Variants in CUBN observed in about 807,000 individuals in gnomAD.
CUBN encodes 460 kDa receptor.
CUBN carries 282 observed loss-of-function variants against 405.3 expected under a neutral mutation model. The ratio of observed to expected loss-of-function variants is 0.70; its 90% confidence interval spans 0.63 to 0.77. The LOEUF is 0.77. Ranked by LOEUF, CUBN falls within the 30% of genes least tolerant of loss-of-function variation. CUBN has a pLI of 0.00. For synonymous variants in CUBN, 1,684 were observed against 1,617.0 expected, an observed-to-expected ratio of 1.04 and a Z score of -0.99; for missense variants, 4,514 against 4,475.2, an observed-to-expected ratio of 1.01 and a Z score of -0.25.
rs547936444 is a variant in CUBN, at chr10:16,988,129, G to A, written c.4350+2205C>T. On this transcript the variant is annotated intron_variant, in intron 29 of 66. Transcript: ENST00000377833. ...CCCTGTCTCTACTTTCTCCCGTAAT[G>A]GGTATGACACAACCCGAAACACAAT... 1.2e-4 allele frequency among the ~76,000 whole-genome samples: 18 copies of A among 152,266 alleles called. No individual in the cohort carries two copies. The South Asian group carries it at 3.7e-3, about 32-fold the overall frequency.
At chr10:17,077,978 C>A (rs1018102718) in intron 17 of CUBN, among the ~76,000 whole-genome samples, 1 of 152,044 alleles carries the variant, frequency 6.6e-6, no homozygotes. Flanking sequence ...ATTCTAAAAT[C>A]AAGAACACAT....
Position 17,104,493 on chromosome 10 carries a change from A to G in CUBN, c.1343T>C (p.Val448Ala), listed in dbSNP as rs769502334. ...SNPCLNGGTCVDGVDSFSCEC... is the reference protein window; with the variant it reads ...SNPCLNGGTCADGVDSFSCEC... Reference sequence around the variant, plus strand: ...ACAACTGAAAGAATCAACGCCATCAACACAAGTTCCTCCATTCAAACAGGG... The same window carrying G: ...ACAACTGAAAGAATCAACGCCATCAGCACAAGTTCCTCCATTCAAACAGGG... Residue 448 changes from valine to alanine, a missense_variant, in exon 12 of 67, where the codon GTT becomes GCT. Val to Ala is a moderately conservative substitution (Grantham distance 64). Coordinates refer to ENST00000377833, the MANE Select transcript of CUBN (RefSeq NM_001081.4). 8.1e-6 allele frequency: 13 copies of G among 1,614,058 alleles called. No homozygotes were observed. The highest frequency in any genetic ancestry group is 1.0e-5 in the Non-Finnish European group (12 of 1,180,012).
chr10:16,918,546 A>G, intron 45 of CUBN, 76 bp downstream of exon 45: 2 of 1,139,498 alleles, frequency 1.8e-6, no homozygotes, highest in Non-Finnish European at 2.6e-6. Context: ...CAAACCCCCA[A>G]ACACGAATTT....
chr10:16,959,369 C>T (rs1312855564), intron 31 of CUBN, among the ~76,000 whole-genome samples: 2 of 152,116 alleles, frequency 1.3e-5, no homozygotes, highest in South Asian at 2.1e-4. Flanking sequence ...GTGGTTCACG[C>T]CTGTAATCCC....
chr10:17,104,187 T>A (rs902443603), intron 12 of CUBN, among the ~76,000 whole-genome samples: 1 of 152,150 alleles, frequency 6.6e-6, no homozygotes, highest in Non-Finnish European at 1.5e-5. Flanking sequence ...ATAGTGAAAA[T>A]GGCAAATACT....
At chr10:17,016,989 CAG>C (rs1330370036) in intron 28 of CUBN, among the ~76,000 whole-genome samples, 5 of 152,134 alleles carry the variant, frequency 3.3e-5, no homozygotes, top group African/African-American at 9.7e-5. Context: ...TTATCCCCAT[CAG>C]AGAGAGAATA....
chr10:16,920,113 T>C lies in CUBN; in HGVS notation c.6671A>G (p.His2224Arg). Residue 2224 changes from histidine (H) to arginine (R), a missense_variant, in exon 44 of 67, where the codon CAT (histidine) becomes CGT (arginine). Physicochemically the swap from His to Arg is conservative, Grantham distance 29. Coordinates refer to ENST00000377833, the MANE Select transcript of CUBN (RefSeq NM_001081.4). ...SLACGGNVYI[H>R]DADSAGYVTS... ...CACATACCCAGCAGAATCAGCATCA[T>C]GGATGTAGACGTTGCCCCCACAGGC... 3.1e-6 allele frequency: 5 copies of C among 1,614,030 alleles called. No individual in the cohort carries two copies. Among genetic ancestry groups the C allele is most frequent in the Non-Finnish European group, 3.4e-6 (4 of 1,179,966 alleles).
intron 60 of CUBN, among the ~76,000 whole-genome samples, chr10:16,841,452 A>G (rs2131321437): frequency 6.6e-6 from 1 of 152,230 alleles, no homozygotes; most frequent in South Asian, 2.1e-4. Context: ...AATGTCATCG[A>G]GAGGATACTG....
intron 55 of CUBN, among the ~76,000 whole-genome samples, chr10:16,889,259 C>G (rs200942815): frequency 0.055 from 8,366 of 152,222 alleles, 767 homozygotes; most frequent in East Asian, 0.32. Context: ...CACAGTGAAC[C>G]ACCTGCAGAC....
Position 16,980,531 on chromosome 10 carries a change from G to T in CUBN, c.4695+1953C>A, listed in dbSNP as rs772784715. Among the ~76,000 whole-genome samples the T allele has an allele frequency of 7.8e-4, 118 of 152,184 alleles. 1 individual carries two copies. The highest frequency in any genetic ancestry group is 1.6e-3 in the Non-Finnish European group (106 of 68,042). ...TAGCCATAAAAAAGGATGAGTTCAT[G>T]TACTTTGAAGGGACATGGATGAAGC... is the stretch of plus-strand genomic sequence containing the variant. On this transcript the variant is annotated intron_variant, in intron 31 of 66. Transcript: ENST00000377833.
chr10:16,962,235 G>T (rs1405881373), intron 31 of CUBN, among the ~76,000 whole-genome samples: 1 of 152,150 alleles, frequency 6.6e-6, no homozygotes, highest in Non-Finnish European at 1.5e-5. Context: ...AGAGTGGCTG[G>T]CATGTAGTAA....
chr10:17,035,833 C>A (rs1261336611), intron 27 of CUBN, among the ~76,000 whole-genome samples: 1 of 141,154 alleles, frequency 7.1e-6, no homozygotes, highest in Non-Finnish European at 1.6e-5. Flanking sequence ...CTGGGGCCTA[C>A]CTGAGGGTGG....
In CUBN at chr10:16,841,118, G is replaced by T. The variant is rs151308942; in HGVS notation, c.9664-71C>A. The T allele has an allele frequency of 1.8e-4, 247 of 1,401,652 alleles. 1 individual carries two copies. In the East Asian group the frequency reaches 5.5e-3, roughly 31 times the overall value. The allele number at this position is 1,401,652 out of a possible 1,614,324, so 86.8% of individuals were successfully genotyped here. A position where few individuals can be genotyped will look rare whatever the true frequency, so the allele number is the denominator to read the frequency against. ...TTGCATATTTCACACTAAATTGGACGCGAAGTTGCAATAGGTCACGGTAAA... is the reference window on the plus strand; with the variant it reads ...TTGCATATTTCACACTAAATTGGACTCGAAGTTGCAATAGGTCACGGTAAA... On this transcript the variant is annotated intron_variant, in intron 60 of 66. Transcript: ENST00000377833.
rs370795698 is a variant in CUBN, at chr10:16,940,194, C to A, written c.5386G>T (p.Val1796Leu). The A allele has an allele frequency of 1.9e-6, 3 of 1,613,986 alleles. No individual in the cohort carries two copies. Among genetic ancestry groups the A allele is most frequent in the African/African-American group, 1.3e-5 (1 of 74,904 alleles). ...GTGGCATTTCCTTCACGGATCTCCA[C>A]AAAATCTCTGCTGCAGTCCTGAGAG... is the stretch of plus-strand genomic sequence containing the variant. The part of the protein sequence containing the change: ...EDSQDCSRDF[V>L]EIREGNATGH... Residue 1796 changes from valine (V) to leucine (L), a missense_variant, in exon 37 of 67, where the codon GTG (valine) becomes TTG (leucine). Transcript: ENST00000377833.
intron 2 of CUBN, 114 bp downstream of exon 2, chr10:17,129,007 T>G (rs1588662844): frequency 3.8e-6 from 3 of 779,944 alleles, no homozygotes; most frequent in Non-Finnish European, 6.1e-6. Flanking sequence ...AATTATGTAT[T>G]AATAAAAAAT....
chr10:17,078,556 A>G (rs1835900010), intron 17 of CUBN, among the ~76,000 whole-genome samples: 1 of 152,124 alleles, frequency 6.6e-6, no homozygotes, highest in African/African-American at 2.4e-5. Context: ...TCTCCTCTTG[A>G]AATTATGTAG....
intron 27 of CUBN, among the ~76,000 whole-genome samples, chr10:17,020,821 C>A (rs902611716): frequency 2.6e-5 from 4 of 152,006 alleles, no homozygotes; most frequent in African/African-American, 9.7e-5. Flanking sequence ...TAAGATATTT[C>A]CAATCTTTTG....
At chr10:17,001,498 C>T (rs111518767) in intron 28 of CUBN, among the ~76,000 whole-genome samples, 3,603 of 152,296 alleles carry the variant, frequency 0.024, 99 homozygotes, top group African/African-American at 0.067. Context: ...CCACAGAGCG[C>T]CGACTGGCGC....
In CUBN at chr10:16,890,472, T is replaced by C. The variant is rs987897585; in HGVS notation, c.8654A>G (p.Asn2885Ser). ...TGTGATAACGGGACCCGGAGCCACG[T>C]TCCCACAGCCAGTGGCTAGCAGGGC... ...DKALLATGCG[N>S]VAPGPVITPS... The change falls in exon 55 of 67, where the codon AAC (asparagine) becomes AGC (serine). Residue 2885 changes from asparagine (N) to serine (S), a missense_variant. Physicochemically the swap from Asn to Ser is conservative, Grantham distance 46. Coordinates refer to ENST00000377833, the MANE Select transcript of CUBN (RefSeq NM_001081.4). 2 of 1,614,114 alleles carry C rather than the reference T, an allele frequency of 1.2e-6. No homozygotes were observed. The highest frequency in any genetic ancestry group is 4.5e-5 in the East Asian group (2 of 44,874).
Sources: gnomAD v4.1 joint callset for allele counts (sites outside exome capture counted in the v4.1 genomes callset) on GRCh38, gnomAD v4.1.1 for gene constraint, MANE v1.5 for transcripts, NCBI Gene and HGNC (gene_info 2026-07-23, HGNC 2026-07-21) for gene names.